The following PDLIM5 variants were observed in gnomAD, a reference collection of about 807,000 sequenced individuals.
PDLIM5 encodes the protein PDZ and LIM domain 5.
A neutral mutation model predicts 64.2 loss-of-function variants in PDLIM5; 34 were observed. That is an observed-to-expected ratio of 0.53 (90% CI 0.40 to 0.71). The LOEUF is 0.71. Ranked by LOEUF, PDLIM5 falls within the 30% of genes least tolerant of loss-of-function variation. The pLI is 0.00. For synonymous variants in PDLIM5, 253 were observed against 269.1 expected (o/e 0.94, Z 0.59); for missense variants, 683 against 733.6 (o/e 0.93, Z 0.80).
intron 8 of PDLIM5, among the ~76,000 whole-genome samples, chr4:94,633,578 C>T (rs1352819285): frequency 6.6e-6 from 1 of 152,158 alleles, no homozygotes; most frequent in Non-Finnish European, 1.5e-5. Context: ...TCTAAGACGT[C>T]TGGTTCCCTT....
At chr4:94,659,627 A>G (rs1036195792) in intron 11 of PDLIM5, among the ~76,000 whole-genome samples, 8 of 151,648 alleles carry the variant, frequency 5.3e-5, no homozygotes, top group Non-Finnish European at 1.0e-4. Flanking sequence ...TCCCGGGTTC[A>G]TGCCATTCTC....
intron 10 of PDLIM5, among the ~76,000 whole-genome samples, chr4:94,656,038 T>G (rs1311697542): frequency 6.6e-6 from 1 of 152,230 alleles, no homozygotes; most frequent in Non-Finnish European, 1.5e-5. Flanking sequence ...TAAGTCTATA[T>G]TATTTCATTT....
At chr4:94,662,042 A>G (rs1053375880) in intron 11 of PDLIM5, among the ~76,000 whole-genome samples, 1 of 152,028 alleles carries the variant, frequency 6.6e-6, no homozygotes, top group Non-Finnish European at 1.5e-5. Context: ...GATGGTCTCA[A>G]TCTCTTGACC....
At chr4:94,535,263 C>T (rs1225015683) in intron 3 of PDLIM5, among the ~76,000 whole-genome samples, 19 of 152,144 alleles carry the variant, frequency 1.2e-4, no homozygotes, top group Admixed American at 1.1e-3. Context: ...AGGGAAGAGT[C>T]AGAAGTATCT....
intron 10 of PDLIM5, among the ~76,000 whole-genome samples, chr4:94,656,513 GT>G (rs1273734733): frequency 7.9e-5 from 12 of 150,994 alleles, no homozygotes; most frequent in Admixed American, 2.6e-4. Context: ...CTAAACACGT[GT>G]TAAACTGATT....
chr4:94,593,004 C>G lies in PDLIM5; in HGVS notation c.920+6560C>G, dbSNP rs542117609. ...CCCACAGTAGGAATAATTTTGTCACCTCTGAACTTACATGCTACACAATTT... is the reference window on the plus strand; with the variant it reads ...CCCACAGTAGGAATAATTTTGTCACGTCTGAACTTACATGCTACACAATTT... On this transcript the variant is annotated intron_variant, in intron 7 of 12. Coordinates refer to ENST00000317968, the MANE Select transcript of PDLIM5 (RefSeq NM_006457.5). Among the ~76,000 whole-genome samples, 9 of 152,276 alleles carry G rather than the reference C, an allele frequency of 5.9e-5. No individual in the cohort carries two copies. The East Asian group carries it at 1.7e-3, about 29-fold the overall frequency.
rs141187855 is a variant in PDLIM5, at chr4:94,558,498, C to T, written c.249-14853C>T. ...TGCTGAATTTCCATTTTCCTGTCTA[C>T]ATATGAGTGTTCAACTATATTAAAG... On this transcript the variant is annotated intron_variant, in intron 3 of 12. Coordinates refer to ENST00000317968, the MANE Select transcript of PDLIM5 (RefSeq NM_006457.5). 3.3e-3 allele frequency among the ~76,000 whole-genome samples: 497 copies of T among 152,288 alleles called. 7 individuals carry two copies. Among genetic ancestry groups the T allele is most frequent in the Admixed American group, 0.027 (409 of 15,282 alleles).
intron 9 of PDLIM5, among the ~76,000 whole-genome samples, chr4:94,641,156 T>C (rs1414116720): frequency 1.3e-5 from 2 of 152,234 alleles, no homozygotes; most frequent in African/African-American, 4.8e-5. Context: ...CAAAGGACCT[T>C]GTTGCACTTC....
Position 94,664,339 on chromosome 4 carries a change from A to C in PDLIM5, c.*272A>C. ...AATTTCCTGATGGACTATTAAATTCATCTTAGAATAAATTAGTGAAGAATT... is the reference window on the plus strand; with the variant it reads ...AATTTCCTGATGGACTATTAAATTCCTCTTAGAATAAATTAGTGAAGAATT... On this transcript the variant is annotated 3_prime_UTR_variant, in exon 13 of 13. Coordinates refer to ENST00000317968, the MANE Select transcript of PDLIM5 (RefSeq NM_006457.5). 1.4e-6 allele frequency: 1 copy of C among 712,828 alleles called. No homozygotes were observed. Among genetic ancestry groups the C allele is most frequent in the East Asian group, 9.3e-5 (1 of 10,784 alleles). The allele number at this position is 712,828 out of a possible 1,614,324, so 44.2% of individuals were successfully genotyped here.
chr4:94,640,505 T>G (rs1394936814), intron 9 of PDLIM5, 55 bp downstream of exon 9: 5 of 1,128,098 alleles, frequency 4.4e-6, no homozygotes, highest in Middle Eastern at 2.1e-4. Context: ...GTTGGGTTTT[T>G]TTTTTTTTTT....
chr4:94,496,076 A>T (rs569626339), intron 2 of PDLIM5, among the ~76,000 whole-genome samples: 4 of 152,060 alleles, frequency 2.6e-5, no homozygotes, highest in African/African-American at 9.7e-5. Flanking sequence ...AAACCAAAAA[A>T]CAAGGTTTGG....
chr4:94,582,886 G>T lies in PDLIM5; in HGVS notation c.711-2679G>T, dbSNP rs533887767. The T allele has an allele frequency of 9.8e-5, 59 of 603,120 alleles. 4 individuals are homozygous for T. In the South Asian group the frequency reaches 1.2e-3, roughly 12 times the overall value. The allele number at this position is 603,120 out of a possible 1,614,324, so 37.4% of individuals were successfully genotyped here. On this transcript the variant is annotated intron_variant, in intron 5 of 12. Coordinates refer to ENST00000317968, the MANE Select transcript of PDLIM5 (RefSeq NM_006457.5). ...ATAAGAAGCATTTTTTTTTATGCTA[G>T]ATAATTTTGTATGCATCAGAGGTAT...
chr4:94,664,257 C>A lies in PDLIM5; in HGVS notation c.*190C>A. 3 of 1,050,790 alleles carry A rather than the reference C, an allele frequency of 2.9e-6. No individual in the cohort carries two copies. Among genetic ancestry groups the A allele is most frequent in the Non-Finnish European group, 3.6e-6 (3 of 842,584 alleles). 65.1% of individuals were successfully genotyped at this position (1,050,790 alleles called of 1,614,324 possible). A position where few individuals can be genotyped will look rare whatever the true frequency, so the allele number is the denominator to read the frequency against. ...TTCATAAAGTAAAGAGACGGTTTGGCATTTATTATTACTTTTTCCTGTATT... is the reference window on the plus strand; with the variant it reads ...TTCATAAAGTAAAGAGACGGTTTGGAATTTATTATTACTTTTTCCTGTATT... On this transcript the variant is annotated 3_prime_UTR_variant, in exon 13 of 13. Transcript: ENST00000317968.
chr4:94,500,586 T>C (rs1381788643), intron 2 of PDLIM5, among the ~76,000 whole-genome samples: 2 of 152,172 alleles, frequency 1.3e-5, no homozygotes, highest in Non-Finnish European at 2.9e-5. Context: ...CGGTCTTTAT[T>C]TTCCATAAAA....
At chr4:94,534,523 C>T (rs374787738) in intron 3 of PDLIM5, among the ~76,000 whole-genome samples, 28 of 152,080 alleles carry the variant, frequency 1.8e-4, no homozygotes, top group African/African-American at 6.7e-4. Flanking sequence ...TTATTGAGAT[C>T]GGGAGAGATA....
intron 3 of PDLIM5, among the ~76,000 whole-genome samples, chr4:94,534,869 TTCCC>T (rs1309793700): frequency 6.6e-6 from 1 of 152,186 alleles, no homozygotes; most frequent in Non-Finnish European, 1.5e-5. Flanking sequence ...CTTCCCTGAC[TTCCC>T]TCTCTCTGTT....
chr4:94,579,243 C>T (rs577106922), intron 5 of PDLIM5: 1 of 224,738 alleles, frequency 4.4e-6, no homozygotes, highest in South Asian at 1.7e-4. Flanking sequence ...CCTTACTCTA[C>T]TAAGAGCCAA....
intron 3 of PDLIM5, among the ~76,000 whole-genome samples, chr4:94,524,884 A>G (rs1258936899): frequency 1.3e-5 from 2 of 152,148 alleles, no homozygotes; most frequent in Non-Finnish European, 2.9e-5. Flanking sequence ...AGAAAGAGGG[A>G]ATGCAGAGTG....
intron 8 of PDLIM5, among the ~76,000 whole-genome samples, chr4:94,631,264 T>C (rs1386737443): frequency 2.0e-5 from 3 of 152,110 alleles, no homozygotes; most frequent in African/African-American, 7.2e-5. Context: ...ACGTGAAGAA[T>C]ACAGCCTTTT....
Sources: gnomAD v4.1 joint callset for allele counts (sites outside exome capture counted in the v4.1 genomes callset) on GRCh38, gnomAD v4.1.1 for gene constraint, MANE v1.5 for transcripts, NCBI Gene and HGNC (gene_info 2026-07-23, HGNC 2026-07-21) for gene names.